The following RAPGEF5 variants were observed in gnomAD, a reference collection of about 807,000 sequenced individuals.
RAPGEF5 encodes Rap guanine nucleotide exchange factor 5, also known as M-Ras-regulated GEF.
Under a neutral mutation model 125.2 loss-of-function variants are expected in RAPGEF5, and 65 were observed. The observed-to-expected ratio is 0.52, with a 90% confidence interval of 0.43 to 0.64. The LOEUF (loss-of-function observed/expected upper bound fraction) is 0.64, where lower values mean the gene tolerates loss of function less well. Ranked by LOEUF, RAPGEF5 falls within the 30% of genes least tolerant of loss-of-function variation. RAPGEF5 has a pLI of 0.00. For missense variants in RAPGEF5, 958 were observed against 1,048.1 expected (o/e 0.91, Z 1.19); for synonymous variants, 391 against 385.9 (o/e 1.01, Z -0.16).
At chr7:22,221,056 G>T (rs969480323) in intron 8 of RAPGEF5, among the ~76,000 whole-genome samples, 1 of 152,186 alleles carries the variant, frequency 6.6e-6, no homozygotes, top group South Asian at 2.1e-4. Context: ...GTTCCCAGGG[G>T]CAGTGGTATC....
chr7:22,168,621 G>A (rs1165876468), intron 11 of RAPGEF5, among the ~76,000 whole-genome samples: 1 of 152,098 alleles, frequency 6.6e-6, no homozygotes, highest in Non-Finnish European at 1.5e-5. Context: ...GAATTTTTAG[G>A]AATAACCAGT....
chr7:22,277,139 C>T (rs945489545), intron 6 of RAPGEF5, among the ~76,000 whole-genome samples: 1 of 152,164 alleles, frequency 6.6e-6, no homozygotes, highest in Non-Finnish European at 1.5e-5. Flanking sequence ...TACTTTCAGA[C>T]TTTACTTTAA....
At chr7:22,343,871 C>T (rs982504894) in intron 1 of RAPGEF5, among the ~76,000 whole-genome samples, 63 of 151,930 alleles carry the variant, frequency 4.1e-4, no homozygotes, top group African/African-American at 1.4e-3. Flanking sequence ...ATAATTCCTG[C>T]GTATAAGCTG....
chr7:22,250,444 T>C (rs2128138142), intron 7 of RAPGEF5, among the ~76,000 whole-genome samples: 1 of 152,362 alleles, frequency 6.6e-6, no homozygotes, highest in South Asian at 2.1e-4. Context: ...TTATGCACTT[T>C]GCATCACTTA....
In RAPGEF5 at chr7:22,193,689, C is replaced by T. The variant is rs747844922; in HGVS notation, c.1115+226G>A. The T allele has an allele frequency of 5.8e-6, 9 of 1,550,952 alleles. No individual in the cohort carries two copies. The South Asian group carries it at 9.5e-5, about 16-fold the overall frequency. On this transcript the variant is annotated intron_variant, in intron 10 of 25. Coordinates refer to ENST00000665637, the MANE Select transcript of RAPGEF5 (RefSeq NM_012294.5). ...TGAACGGTTACTAACAAAGGCATCC[C>T]CTAAATGCTAAAAGATCTTGCCATC...
At chr7:22,175,573 C>T (rs1469983667) in intron 11 of RAPGEF5, among the ~76,000 whole-genome samples, 1 of 152,156 alleles carries the variant, frequency 6.6e-6, no homozygotes, top group Non-Finnish European at 1.5e-5. Flanking sequence ...CATCTACCAA[C>T]AAAAATTAAT....
chr7:22,250,824 C>T (rs1786599923), intron 7 of RAPGEF5, among the ~76,000 whole-genome samples: 1 of 152,120 alleles, frequency 6.6e-6, no homozygotes, highest in Non-Finnish European at 1.5e-5. Context: ...GTACTTGGTA[C>T]TTAGGACATG....
chr7:22,347,968 T>C (rs1355750788), intron 1 of RAPGEF5, among the ~76,000 whole-genome samples: 3 of 152,162 alleles, frequency 2.0e-5, no homozygotes, highest in Non-Finnish European at 2.9e-5. Flanking sequence ...AATATTTTGA[T>C]TCAAAAAAAA....
chr7:22,280,125 C>T (rs1242285720), intron 6 of RAPGEF5, among the ~76,000 whole-genome samples: 3 of 152,116 alleles, frequency 2.0e-5, no homozygotes, highest in Non-Finnish European at 4.4e-5. Flanking sequence ...AATGACAGGG[C>T]CATGGAATTA....
chr7:22,329,117 T>A (rs7794938), intron 1 of RAPGEF5, among the ~76,000 whole-genome samples: 2,435 of 152,344 alleles, frequency 0.016, 66 homozygotes, highest in African/African-American at 0.056. Flanking sequence ...ATTTTTAGAA[T>A]GCTCTCAATT....
chr7:22,283,858 C>G (rs1452819358), intron 6 of RAPGEF5, among the ~76,000 whole-genome samples: 1 of 152,182 alleles, frequency 6.6e-6, no homozygotes, highest in Non-Finnish European at 1.5e-5. Flanking sequence ...ATGAGTTCTG[C>G]ACATTTACAT....
chr7:22,161,725 T>C (rs1235707553), intron 13 of RAPGEF5, among the ~76,000 whole-genome samples: 1 of 152,228 alleles, frequency 6.6e-6, no homozygotes, highest in African/African-American at 2.4e-5. Context: ...TTCAAAGTAG[T>C]TTCCTTCATG....
At chr7:22,230,431 A>G (rs748999815) in intron 8 of RAPGEF5, among the ~76,000 whole-genome samples, 1 of 152,196 alleles carries the variant, frequency 6.6e-6, no homozygotes, top group Non-Finnish European at 1.5e-5. Context: ...AGGGTGTCCA[A>G]AGTTTTTATG....
chr7:22,314,902 T>G (rs1029200396), intron 3 of RAPGEF5, among the ~76,000 whole-genome samples: 1 of 152,164 alleles, frequency 6.6e-6, no homozygotes, highest in Non-Finnish European at 1.5e-5. Flanking sequence ...GGTAGACACC[T>G]GCCATCCCTA....
chr7:22,127,660 A>C (rs1304420879), intron 24 of RAPGEF5, among the ~76,000 whole-genome samples: 2 of 152,216 alleles, frequency 1.3e-5, no homozygotes, highest in Non-Finnish European at 2.9e-5. Context: ...TTCAAGAATT[A>C]ATATCATTCA....
At chr7:22,240,599 C>T (rs1425199608) in intron 7 of RAPGEF5, among the ~76,000 whole-genome samples, 1 of 152,064 alleles carries the variant, frequency 6.6e-6, no homozygotes, top group East Asian at 1.9e-4. Flanking sequence ...TCTTGGACTC[C>T]TGACCTCAAG....
intron 9 of RAPGEF5, among the ~76,000 whole-genome samples, chr7:22,209,332 T>C (rs1785459978): frequency 6.6e-6 from 1 of 152,248 alleles, no homozygotes; most frequent in East Asian, 1.9e-4. Flanking sequence ...ATCTTCCTTT[T>C]ATCCCTTTCT....
chr7:22,244,931 T>C (rs1000026032), intron 7 of RAPGEF5, among the ~76,000 whole-genome samples: 1 of 152,228 alleles, frequency 6.6e-6, no homozygotes, highest in Non-Finnish European at 1.5e-5. Flanking sequence ...CTAATTTACA[T>C]TTCCACCAGC....
At position 22,148,869 on chromosome 7, in the gene RAPGEF5, T is replaced by A. The variant is rs144508476; in HGVS notation, c.1884+1538A>T. On this transcript the variant is annotated intron_variant, in intron 18 of 25. Coordinates refer to ENST00000665637, the MANE Select transcript of RAPGEF5 (RefSeq NM_012294.5). Reference sequence around the variant, plus strand: ...CAACAAGCCCCACAGTAGCTACATGTCAGATCGTCCTCCTTCATGGGGAGC... The same window carrying A: ...CAACAAGCCCCACAGTAGCTACATGACAGATCGTCCTCCTTCATGGGGAGC... Among the ~76,000 whole-genome samples the A allele has an allele frequency of 4.2e-3, 639 of 152,284 alleles. 3 individuals are homozygous for A. The highest frequency in any genetic ancestry group is 7.2e-3 in the Non-Finnish European group (492 of 68,012).
Sources: gnomAD v4.1 joint callset for allele counts (sites outside exome capture counted in the v4.1 genomes callset) on GRCh38, gnomAD v4.1.1 for gene constraint, MANE v1.5 for transcripts, NCBI Gene and HGNC (gene_info 2026-07-23, HGNC 2026-07-21) for gene names.